The following TBC1D32 variants were observed in gnomAD, a reference collection of about 807,000 sequenced individuals.
TBC1D32 encodes the protein protein broad-minded.
In TBC1D32, 151 loss-of-function variants were observed where a neutral mutation model predicts 170.3. The ratio of observed to expected loss-of-function variants is 0.89; its 90% CI spans 0.78 to 1.01. TBC1D32 has a LOEUF of 1.01. Ranked by LOEUF, TBC1D32 falls within the 50% of genes least tolerant of loss-of-function variation. TBC1D32 has a pLI of 0.00. For synonymous variants in TBC1D32, 498 were observed against 488.0 expected, an observed-to-expected ratio of 1.02 and a Z score of -0.27; for missense variants, 1,464 against 1,457.1, an observed-to-expected ratio of 1.00 and a Z score of -0.08.
chr6:121,179,218 TATAG>T (rs1170217334), intron 22 of TBC1D32, among the ~76,000 whole-genome samples: 4 of 151,512 alleles, frequency 2.6e-5, no homozygotes, highest in Admixed American at 6.6e-5. Flanking sequence ...ACACTAAATA[TATAG>T]ATATTTACTT....
chr6:121,103,233 G>A (rs1338839747), intron 30 of TBC1D32, among the ~76,000 whole-genome samples: 3 of 151,948 alleles, frequency 2.0e-5, no homozygotes, highest in Non-Finnish European at 4.4e-5. Flanking sequence ...CCCATTACTG[G>A]TTATATACTG....
chr6:121,312,883 C>T (rs1394994642), intron 3 of TBC1D32, among the ~76,000 whole-genome samples: 3 of 152,162 alleles, frequency 2.0e-5, no homozygotes, highest in Non-Finnish European at 4.4e-5. Flanking sequence ...CGTTCCTCCA[C>T]TTGCTTTCTG....
chr6:121,168,828 A>G (rs953274644), intron 22 of TBC1D32, among the ~76,000 whole-genome samples: 2 of 152,022 alleles, frequency 1.3e-5, no homozygotes, highest in Admixed American at 6.6e-5. Context: ...ACTGCCACAA[A>G]AAGAATAAAA....
At chr6:121,275,161 T>C (rs1194265206) in intron 15 of TBC1D32, among the ~76,000 whole-genome samples, 2 of 152,120 alleles carry the variant, frequency 1.3e-5, no homozygotes, top group African/African-American at 4.8e-5. Context: ...ATTTGTATGT[T>C]TGGTGGGGAA....
intron 3 of TBC1D32, 35 bp from the exon 4 acceptor site, chr6:121,310,882 G>T: frequency 8.2e-7 from 1 of 1,214,612 alleles, no homozygotes; most frequent in South Asian, 1.3e-5. Context: ...CATTTATTTA[G>T]AAGGCTTTTA....
intron 29 of TBC1D32, among the ~76,000 whole-genome samples, chr6:121,111,642 G>A (rs1779215881): frequency 6.6e-6 from 1 of 152,058 alleles, no homozygotes; most frequent in African/African-American, 2.4e-5. Flanking sequence ...AGAATTGGAT[G>A]ATCTTTTTAA....
At chr6:121,218,402 C>T (rs960225828) in intron 21 of TBC1D32, among the ~76,000 whole-genome samples, 1 of 152,116 alleles carries the variant, frequency 6.6e-6, no homozygotes, top group Non-Finnish European at 1.5e-5. Flanking sequence ...CCCATAATCC[C>T]CACATGTGAC....
intron 22 of TBC1D32, among the ~76,000 whole-genome samples, chr6:121,196,616 C>T (rs903982827): frequency 1.3e-5 from 2 of 152,160 alleles, no homozygotes; most frequent in Non-Finnish European, 2.9e-5. Context: ...ACTCACTTTA[C>T]GGCTAAAGAA....
At chr6:121,289,158 A>G (rs1410082247) in intron 12 of TBC1D32, among the ~76,000 whole-genome samples, 4 of 152,190 alleles carry the variant, frequency 2.6e-5, no homozygotes, top group Non-Finnish European at 5.9e-5. Flanking sequence ...TGGCAAGGGC[A>G]ATCAGGCAAG....
chr6:121,169,057 G>GA (rs201719482), intron 22 of TBC1D32, among the ~76,000 whole-genome samples: 2 of 68,672 alleles, frequency 2.9e-5, no homozygotes, highest in African/African-American at 5.4e-5. Flanking sequence ...TACAGAATCA[G>GA]AAAAAAAATA....
At position 121,132,650 on chromosome 6, in the gene TBC1D32, A is replaced by AGGAT. The variant is rs1582900153; in HGVS notation, c.2774-902_2774-899dup. On this transcript the variant is annotated intron_variant, in intron 24 of 31. Transcript: ENST00000398212. ...TCTCAGATTCTGCTGGGACCCAAAG[A>AGGAT]GGATGGAGGTAGAGATTTTCTGCAC... Among the ~76,000 whole-genome samples, 6 of 152,064 alleles carry AGGAT rather than the reference A, an allele frequency of 3.9e-5. No individual in the cohort carries two copies. In the South Asian group the frequency reaches 1.2e-3, roughly 32 times the overall value.
intron 17 of TBC1D32, among the ~76,000 whole-genome samples, chr6:121,245,176 C>G (rs574755570): frequency 6.6e-6 from 1 of 152,316 alleles, no homozygotes; most frequent in Admixed American, 6.5e-5. Context: ...TCAAGAAAGC[C>G]AGCACATTAA....
At chr6:121,226,274 G>A (rs1013513951) in intron 20 of TBC1D32, among the ~76,000 whole-genome samples, 6 of 152,004 alleles carry the variant, frequency 3.9e-5, no homozygotes, top group Admixed American at 6.6e-5. Context: ...TTACAATAGC[G>A]CCTAAATGTT....
chr6:121,088,437 C>T (rs897719245), intron 31 of TBC1D32, among the ~76,000 whole-genome samples: 2 of 151,986 alleles, frequency 1.3e-5, no homozygotes, highest in South Asian at 2.1e-4. Flanking sequence ...AAAATCAGTT[C>T]ATTAATCAAT....
chr6:121,264,059 C>A (rs1487634171), intron 15 of TBC1D32, among the ~76,000 whole-genome samples: 1 of 150,566 alleles, frequency 6.6e-6, no homozygotes, highest in Non-Finnish European at 1.5e-5. Flanking sequence ...AATACAAAAG[C>A]TAGAAGACAG....
At chr6:121,176,987 T>C (rs999229689) in intron 22 of TBC1D32, among the ~76,000 whole-genome samples, 3 of 152,190 alleles carry the variant, frequency 2.0e-5, no homozygotes, top group African/African-American at 7.2e-5. Context: ...CTAAGAAAGG[T>C]GTTCTGGTGA....
intron 22 of TBC1D32, among the ~76,000 whole-genome samples, chr6:121,190,054 T>C: frequency 6.7e-6 from 1 of 148,212 alleles, no homozygotes; most frequent in African/African-American, 2.5e-5. Context: ...AATTTCTTTC[T>C]TTCTCCTAGC....
chr6:121,217,081 G>T (rs887796413), intron 21 of TBC1D32, among the ~76,000 whole-genome samples: 1 of 152,196 alleles, frequency 6.6e-6, no homozygotes, highest in African/African-American at 2.4e-5. Context: ...CTCCCATTTG[G>T]CCTGTGCAGA....
At chr6:121,131,861 C>T in intron 24 of TBC1D32, 109 bp from the exon 25 acceptor site, 2 of 722,214 alleles carry the variant, frequency 2.8e-6, no homozygotes, top group Non-Finnish European at 4.2e-6. Context: ...ATACATATGG[C>T]TTTCAAAGGA....
Sources: allele counts gnomAD v4.1 joint callset (sites outside exome capture counted in the v4.1 genomes callset), GRCh38; gene constraint gnomAD v4.1.1; transcripts MANE v1.5; gene names NCBI Gene and HGNC (gene_info 2026-07-23, HGNC 2026-07-21).